Variants in SCG3 observed in about 807,000 individuals in gnomAD.
SCG3 encodes secretogranin-3.
In SCG3, 38 loss-of-function variants were observed where a neutral mutation model predicts 56.2. The ratio of observed to expected loss-of-function variants is 0.68; its 90% CI spans 0.52 to 0.89. The LOEUF (loss-of-function observed/expected upper bound fraction) is 0.89. Among genes scored for constraint, SCG3 ranks in the 40% least tolerant of loss-of-function variants. The pLI, the probability that SCG3 is intolerant of heterozygous loss-of-function variation, is 0.00. For synonymous variants in SCG3, 176 were observed against 184.2 expected (o/e 0.96, Z 0.36); for missense variants, 524 against 540.7 (o/e 0.97, Z 0.31).
At chr15:51,685,718 A>T (rs2055224591) in intron 4 of SCG3, among the ~76,000 whole-genome samples, 1 of 152,170 alleles carries the variant, frequency 6.6e-6, no homozygotes, top group Admixed American at 6.5e-5. Flanking sequence ...GTGTTCCCAG[A>T]CCTACTCTCG....
At position 51,689,286 on chromosome 15, in the gene SCG3, AG is replaced by A; in HGVS notation, c.610del (p.Glu204LysfsTer27). ...GAGGTTTTACAAAAATTAATCTCAA[AG>A]GAAGCCAACAATTATGAGGAGGATC... The part of the protein sequence containing the change: ...VAEVLQKLIS[K>X]EANNYEEDPN... On this transcript the variant is annotated frameshift_variant, in exon 6 of 12. Coordinates refer to ENST00000220478, the MANE Select transcript of SCG3 (RefSeq NM_013243.4). LOFTEE classifies it high-confidence loss of function. The A allele has an allele frequency of 6.2e-7, 1 of 1,614,060 alleles. No individual in the cohort carries two copies. The highest frequency in any genetic ancestry group is 8.5e-7 in the Non-Finnish European group (1 of 1,179,954).
At chr15:51,704,244 CATATATATATATATATATATAT>C (rs750951935) in intron 10 of SCG3, among the ~76,000 whole-genome samples, 1 of 73,600 alleles carries the variant, frequency 1.4e-5, no homozygotes, top group Non-Finnish European at 2.6e-5. Context: ...TACATACATA[CATATATATATATATATATATAT>C]ATATATATAT....
rs1429349102 is a variant in SCG3 at position 51,720,236 on chromosome 15, T to A, written c.*710T>A. 6.6e-6 allele frequency: 1 copy of A among 152,234 alleles called. No individual in the cohort carries two copies. Among genetic ancestry groups the A allele is most frequent in the Middle Eastern group, 3.2e-3 (1 of 316 alleles). The allele number at this position is 152,234 out of a possible 1,614,324, so 9.4% of individuals were successfully genotyped here. A position where few individuals can be genotyped will look rare whatever the true frequency, so the allele number is the denominator to read the frequency against. On this transcript the variant is annotated 3_prime_UTR_variant, in exon 12 of 12. Transcript: ENST00000220478. The stretch of plus-strand genomic sequence containing the variant: ...GACAAATGAGGTCATAAACACTGCA[T>A]AAAGCAAGGCAAAAATGTATGCCAC...
intron 1 of SCG3, 45 bp from the exon 2 acceptor site, chr15:51,682,472 C>T: frequency 9.9e-7 from 1 of 1,012,806 alleles, no homozygotes; most frequent in East Asian, 2.7e-5. Context: ...CATATTTTGT[C>T]CTTCAACGCA....
At chr15:51,713,664 C>A (rs961626239) in intron 11 of SCG3, among the ~76,000 whole-genome samples, 1 of 152,146 alleles carries the variant, frequency 6.6e-6, no homozygotes, top group South Asian at 2.1e-4. Context: ...AAACGTAGAA[C>A]GAATAGCATA....
chr15:51,683,727 A>G (rs2055210722), intron 4 of SCG3, among the ~76,000 whole-genome samples: 1 of 152,182 alleles, frequency 6.6e-6, no homozygotes, highest in Admixed American at 6.5e-5. Flanking sequence ...TATTTTAACA[A>G]TGAGTACACA....
chr15:51,701,365 T>C, intron 10 of SCG3, 121 bp downstream of exon 10: 1 of 996,104 alleles, frequency 1.0e-6, no homozygotes, highest in Non-Finnish European at 1.4e-6. Flanking sequence ...ACAATCTGTA[T>C]AGAACAGGCT....
At chr15:51,682,986 A>G in intron 2 of SCG3, 93 bp from the exon 3 acceptor site, 1 of 961,712 alleles carries the variant, frequency 1.0e-6, no homozygotes, top group Non-Finnish European at 1.6e-6. Context: ...CAAGACAATT[A>G]AATCCCATGG....
At chr15:51,700,720 G>T (rs2055333967) in intron 9 of SCG3, among the ~76,000 whole-genome samples, 1 of 152,158 alleles carries the variant, frequency 6.6e-6, no homozygotes, top group South Asian at 2.1e-4. Context: ...CCCACCAAAT[G>T]TACTTCAGAA....
At chr15:51,683,941 G>T (rs2141556885) in intron 4 of SCG3, among the ~76,000 whole-genome samples, 1 of 152,194 alleles carries the variant, frequency 6.6e-6, no homozygotes, top group East Asian at 1.9e-4. Context: ...CTTAGCTATA[G>T]ACCTATTTAT....
intron 6 of SCG3, among the ~76,000 whole-genome samples, chr15:51,691,306 G>T (rs2055265562): frequency 6.6e-6 from 1 of 152,180 alleles, no homozygotes; most frequent in Non-Finnish European, 1.5e-5. Context: ...TTTATTGTAA[G>T]AACCATGAGA....
At chr15:51,711,358 A>G (rs1217462643) in intron 10 of SCG3, among the ~76,000 whole-genome samples, 2 of 152,262 alleles carry the variant, frequency 1.3e-5, no homozygotes, top group Non-Finnish European at 2.9e-5. Flanking sequence ...ACATCATGAT[A>G]CGATATCAGA....
intron 10 of SCG3, among the ~76,000 whole-genome samples, chr15:51,712,889 T>C (rs1422556377): frequency 1.3e-5 from 2 of 152,224 alleles, no homozygotes; most frequent in Non-Finnish European, 2.9e-5. Flanking sequence ...ACATTTGGAC[T>C]TTTAACTGAA....
In SCG3 at chr15:51,713,414, G is replaced by A; in HGVS notation, c.1288+1G>A. 1.9e-6 allele frequency: 3 copies of A among 1,584,394 alleles called. No homozygotes were observed. The highest frequency in any genetic ancestry group is 2.6e-6 in the Non-Finnish European group (3 of 1,161,160). The stretch of plus-strand genomic sequence containing the variant: ...CATGACAAAAAGGGAAATAAAGAAG[G>A]TAGGACCAAGTGTGGTTGTACATTG... On this transcript the variant is annotated splice_donor_variant, in intron 11 of 11. Transcript: ENST00000220478. LOFTEE classifies it high-confidence loss of function.
intron 4 of SCG3, among the ~76,000 whole-genome samples, chr15:51,686,364 CAA>C (rs2055228661): frequency 6.6e-6 from 1 of 152,174 alleles, no homozygotes; most frequent in Admixed American, 6.5e-5. Context: ...TGCAGCAGAG[CAA>C]AGACTCTTCA....
intron 10 of SCG3, among the ~76,000 whole-genome samples, chr15:51,704,244 C>CATATACATAT (rs1555457963): frequency 1.4e-5 from 1 of 73,600 alleles, no homozygotes; most frequent in East Asian, 5.2e-4. Flanking sequence ...TACATACATA[C>CATATACATAT]ATATATATAT....
chr15:51,702,320 G>T (rs981640923), intron 10 of SCG3, among the ~76,000 whole-genome samples: 1 of 152,086 alleles, frequency 6.6e-6, no homozygotes, highest in African/African-American at 2.4e-5. Context: ...ACAGTGGCAC[G>T]ATCTCAGCTC....
At chr15:51,687,235 A>G (rs1229356193) in intron 4 of SCG3, among the ~76,000 whole-genome samples, 1 of 152,206 alleles carries the variant, frequency 6.6e-6, no homozygotes, top group Non-Finnish European at 1.5e-5. Context: ...CAACAATCCC[A>G]TGAAATAGAT....
chr15:51,719,046 C>T (rs1315735046), intron 11 of SCG3, among the ~76,000 whole-genome samples: 1 of 152,172 alleles, frequency 6.6e-6, no homozygotes, highest in Non-Finnish European at 1.5e-5. Context: ...CCTGGATCCT[C>T]ACCCCAGACC....
Sources: gnomAD v4.1 joint callset for allele counts (sites outside exome capture counted in the v4.1 genomes callset) on GRCh38, gnomAD v4.1.1 for gene constraint, MANE v1.5 for transcripts, NCBI Gene and HGNC (gene_info 2026-07-23, HGNC 2026-07-21) for gene names.